Variants in RPAP2 observed in about 807,000 individuals in gnomAD.
RPAP2 encodes RNA polymerase II associated protein 2.
A neutral mutation model predicts 73.1 loss-of-function variants in RPAP2; 52 were observed. The observed-to-expected ratio is 0.71, with a 90% CI of 0.57 to 0.90. The LOEUF is 0.90. RPAP2 is among the 40% of genes least tolerant of loss of function. The pLI, the probability that RPAP2 is intolerant of heterozygous loss-of-function variation, is 0.00. For synonymous variants in RPAP2, 225 were observed against 242.1 expected (o/e 0.93, Z 0.65); for missense variants, 598 against 701.8 (o/e 0.85, Z 1.67).
chr1:92,394,013 A>C lies in RPAP2; in HGVS notation c.*7002A>C, dbSNP rs543871085. On this transcript the variant is annotated 3_prime_UTR_variant, in exon 13 of 13. Coordinates refer to ENST00000610020, the MANE Select transcript of RPAP2 (RefSeq NM_024813.3). ...AAGATTATAAATCATTCTACAATAA[A>C]GACACATGCACACGTATGTTTATTG... is the stretch of plus-strand genomic sequence containing the variant. The C allele has an allele frequency of 2.6e-5, 4 of 152,228 alleles. No homozygotes were observed. The highest frequency in any genetic ancestry group is 5.9e-5 in the Non-Finnish European group (4 of 68,046). 9.4% of individuals were successfully genotyped at this position (152,228 alleles called of 1,614,324 possible).
chr1:92,354,527 T>C (rs866953101), intron 11 of RPAP2, among the ~76,000 whole-genome samples: 1 of 152,236 alleles, frequency 6.6e-6, no homozygotes, highest in African/African-American at 2.4e-5. Context: ...CAAAGAACTT[T>C]TTTCTTTTGA....
At chr1:92,318,117 G>A (rs1042167312) in intron 6 of RPAP2, among the ~76,000 whole-genome samples, 1 of 152,300 alleles carries the variant, frequency 6.6e-6, no homozygotes, top group East Asian at 1.9e-4. Flanking sequence ...TACAGTCAGC[G>A]ATTACAGTGT....
intron 8 of RPAP2, among the ~76,000 whole-genome samples, chr1:92,327,786 G>GT (rs1482431345): frequency 6.6e-6 from 1 of 151,742 alleles, no homozygotes; most frequent in Non-Finnish European, 1.5e-5. Flanking sequence ...TTCTATTTTG[G>GT]TATTATTTCC....
intron 11 of RPAP2, among the ~76,000 whole-genome samples, chr1:92,378,131 C>T (rs1291458337): frequency 6.6e-6 from 1 of 152,144 alleles, no homozygotes; most frequent in East Asian, 1.9e-4. Flanking sequence ...ATACTAATCT[C>T]CTTGAAAGTC....
intron 9 of RPAP2, among the ~76,000 whole-genome samples, chr1:92,334,325 G>T (rs977176028): frequency 2.0e-5 from 3 of 151,892 alleles, no homozygotes; most frequent in Admixed American, 6.6e-5. Context: ...ACCTTTTTTG[G>T]TTTTTTATTT....
Position 92,299,119 on chromosome 1 carries a change from G to C in RPAP2, c.46G>C (p.Ala16Pro). 6.6e-7 allele frequency: 1 copy of C among 1,521,978 alleles called. No homozygotes were observed. The highest frequency in any genetic ancestry group is 2.1e-5 in the Admixed American group (1 of 48,318). 94.3% of individuals were successfully genotyped at this position (1,521,978 alleles called of 1,614,324 possible). A position where few individuals can be genotyped will look rare whatever the true frequency, so the allele number is the denominator to read the frequency against. Reference protein sequence around the residue: ...GPSSAGRKAGAPRCSRKAAGT... With the variant: ...GPSSAGRKAGPPRCSRKAAGT... ...GTCTTCTGCCGGCCGCAAGGCCGGGGCTCCCCGCTGCTCTCGAAAAGCCGC... is the reference window on the plus strand; with the variant it reads ...GTCTTCTGCCGGCCGCAAGGCCGGGCCTCCCCGCTGCTCTCGAAAAGCCGC... Residue 16 changes from alanine to proline, a missense_variant, in exon 1 of 13, where the codon GCT becomes CCT. Around this residue, in one of 3 missense-constraint regions of RPAP2, gnomAD observed 77 missense variants for 55.7 expected, o/e 1.38. Coordinates refer to ENST00000610020, the MANE Select transcript of RPAP2 (RefSeq NM_024813.3).
At chr1:92,379,952 TATAA>T (rs1331961060) in intron 11 of RPAP2, among the ~76,000 whole-genome samples, 6 of 150,058 alleles carry the variant, frequency 4.0e-5, no homozygotes, top group South Asian at 4.2e-4. Flanking sequence ...ATAATAATAA[TATAA>T]ATAAATAAAT....
rs1339744364 is a variant in RPAP2 at position 92,389,247 on chromosome 1, G to C, written c.*2236G>C. The C allele has an allele frequency of 6.5e-6, 1 of 153,598 alleles. No homozygotes were observed. Among genetic ancestry groups the C allele is most frequent in the Non-Finnish European group, 1.4e-5 (1 of 69,250 alleles). The allele number at this position is 153,598 out of a possible 1,614,324, so 9.5% of individuals were successfully genotyped here. ...CTGCAGCCTCCACTGGTGACACCCA[G>C]GCAAACAGGGTCTGGAGTGGACCTC... is the stretch of plus-strand genomic sequence containing the variant. On this transcript the variant is annotated 3_prime_UTR_variant, in exon 13 of 13. Transcript: ENST00000610020.
chr1:92,370,543 G>A (rs1347110870), intron 11 of RPAP2, among the ~76,000 whole-genome samples: 1 of 152,168 alleles, frequency 6.6e-6, no homozygotes, highest in Non-Finnish European at 1.5e-5. Flanking sequence ...GAGAAACAGT[G>A]TCTAGAATTT....
rs994360642 is a variant in RPAP2 at position 92,399,937 on chromosome 1, C to T, written c.*12926C>T. 3 of 152,100 alleles carry T rather than the reference C, an allele frequency of 2.0e-5. No individual in the cohort carries two copies. The highest frequency in any genetic ancestry group is 4.4e-5 in the Non-Finnish European group (3 of 68,032). The allele number at this position is 152,100 out of a possible 1,614,324, so 9.4% of individuals were successfully genotyped here. The stretch of plus-strand genomic sequence containing the variant: ...GATTTTCTTCGTACAAAGAGTCTTG[C>T]TACTAGGAAAAAGAGTTTGAAAATC... On this transcript the variant is annotated 3_prime_UTR_variant, in exon 13 of 13. Coordinates refer to ENST00000610020, the MANE Select transcript of RPAP2 (RefSeq NM_024813.3).
chr1:92,371,640 G>A (rs887495076), intron 11 of RPAP2, among the ~76,000 whole-genome samples: 2 of 151,762 alleles, frequency 1.3e-5, no homozygotes, highest in African/African-American at 2.4e-5. Context: ...TATTTGTGAC[G>A]ACATAGGTGA....
rs149654578 is a variant in RPAP2, at chr1:92,397,916, G to A, written c.*10905G>A. 3.9e-3 allele frequency: 597 copies of A among 152,956 alleles called. 3 individuals carry two copies. The highest frequency in any genetic ancestry group is 0.01 in the Admixed American group (157 of 15,306). 9.5% of individuals were successfully genotyped at this position (152,956 alleles called of 1,614,324 possible). Reference sequence around the variant, plus strand: ...TCACGCCTGTAATCCCAGCACTTTGGGAGACTGAGGTGGGAGGATGACTTG... The same window carrying A: ...TCACGCCTGTAATCCCAGCACTTTGAGAGACTGAGGTGGGAGGATGACTTG... On this transcript the variant is annotated 3_prime_UTR_variant, in exon 13 of 13. Transcript: ENST00000610020.
At chr1:92,364,487 C>G (rs138535803) in intron 11 of RPAP2, among the ~76,000 whole-genome samples, 2 of 152,056 alleles carry the variant, frequency 1.3e-5, no homozygotes, top group Non-Finnish European at 2.9e-5. Flanking sequence ...TCTCCTAAAT[C>G]GTAGACCAAA....
At position 92,299,145 on chromosome 1, in the gene RPAP2, AG is replaced by A; in HGVS notation, c.73+1del. 1 of 1,511,634 alleles carries A rather than the reference AG, an allele frequency of 6.6e-7. No homozygotes were observed. The highest frequency in any genetic ancestry group is 1.3e-5 in the South Asian group (1 of 79,226). 93.6% of individuals were successfully genotyped at this position (1,511,634 alleles called of 1,614,324 possible). ...CTCCCCGCTGCTCTCGAAAAGCCGC[AG>A]GTAGGAGCAAGGATCTCTTCCCACT... ...GAPRCSRKAA[G>X]TKQTSTLKQE... On this transcript the variant is annotated frameshift_variant and splice_region_variant, in exon 1 of 13. Transcript: ENST00000610020. LOFTEE classifies it high-confidence loss of function.
rs149308188 is a variant in RPAP2 at position 92,376,279 on chromosome 1, G to A, written c.1689-4445G>A. ...ATGGGAGGTCCTGGAGCCAATCCCC[G>A]ACAGATACTGAGAGACGACTATATT... On this transcript the variant is annotated intron_variant, in intron 11 of 12. Coordinates refer to ENST00000610020, the MANE Select transcript of RPAP2 (RefSeq NM_024813.3). Among the ~76,000 whole-genome samples the A allele has an allele frequency of 1.9e-3, 296 of 152,068 alleles. 1 individual carries two copies. The highest frequency in any genetic ancestry group is 3.6e-3 in the Non-Finnish European group (242 of 67,980).
intron 11 of RPAP2, among the ~76,000 whole-genome samples, chr1:92,374,294 A>G (rs1169016323): frequency 3.9e-5 from 6 of 152,338 alleles, no homozygotes; most frequent in Middle Eastern, 3.4e-3. Context: ...AGAACACAGA[A>G]GAGCCTTTCA....
intron 11 of RPAP2, among the ~76,000 whole-genome samples, chr1:92,357,240 A>G (rs923875932): frequency 6.6e-6 from 1 of 152,158 alleles, no homozygotes; most frequent in Admixed American, 6.5e-5. Flanking sequence ...AGGTTGAGGA[A>G]AGGGAGAAAT....
intron 10 of RPAP2, among the ~76,000 whole-genome samples, chr1:92,341,950 G>A (rs942544231): frequency 5.9e-5 from 9 of 152,272 alleles, no homozygotes; most frequent in African/African-American, 2.2e-4. Flanking sequence ...GCCAGGAAAG[G>A]AAATTTTATT....
intron 12 of RPAP2, 132 bp from the exon 13 acceptor site, chr1:92,386,879 T>G: frequency 1.7e-6 from 1 of 595,286 alleles, no homozygotes; most frequent in Admixed American, 3.2e-5. Flanking sequence ...TTTTTGGGTT[T>G]TTTTGTATTT....
Sources: gnomAD v4.1 joint callset for allele counts (sites outside exome capture counted in the v4.1 genomes callset) on GRCh38, gnomAD v4.1.1 for gene constraint, gnomAD v4.1.1 regional missense constraint, MANE v1.5 for transcripts, NCBI Gene and HGNC (gene_info 2026-07-23, HGNC 2026-07-21) for gene names.